The following NPEPPS variants were observed in gnomAD, a reference collection of about 807,000 sequenced individuals.
NPEPPS encodes aminopeptidase puromycin sensitive, also known as puromycin-sensitive aminopeptidase.
NPEPPS carries 14 observed loss-of-function variants against 115.5 expected under a neutral mutation model. The observed-to-expected ratio is 0.12, with a 90% CI of 0.08 to 0.19. The LOEUF (loss-of-function observed/expected upper bound fraction) is 0.19, where lower values mean the gene tolerates loss of function less well. NPEPPS is among the 10% of genes least tolerant of loss of function. The pLI is 1.00. For synonymous variants in NPEPPS, 285 were observed against 390.6 expected (o/e 0.73, Z 3.19); for missense variants, 523 against 1,110.8 (o/e 0.47, Z 7.52).
At position 47,553,417 on chromosome 17, in the gene NPEPPS, G is replaced by C. The variant is rs150289819; in HGVS notation, c.340+7424G>C. 7.2e-3 allele frequency among the ~76,000 whole-genome samples: 1,090 copies of C among 151,120 alleles called. 7 individuals are homozygous for C. Among genetic ancestry groups the C allele is most frequent in the South Asian group, 0.018 (84 of 4,790 alleles). On this transcript the variant is annotated intron_variant, in intron 2 of 22. Transcript: ENST00000322157. ...AATTATGATTCATTCTTTTTCATTTGTGGTTTTCCCTGGTATCTGACATAT... is the reference window on the plus strand; with the variant it reads ...AATTATGATTCATTCTTTTTCATTTCTGGTTTTCCCTGGTATCTGACATAT...
intron 1 of NPEPPS, among the ~76,000 whole-genome samples, chr17:47,536,038 CA>C (rs1420206234): frequency 6.6e-6 from 1 of 151,928 alleles, no homozygotes; most frequent in Non-Finnish European, 1.5e-5. Flanking sequence ...GGGGTTTCAC[CA>C]TATTGGCCAG....
chr17:47,531,702 C>T, intron 1 of NPEPPS, 147 bp downstream of exon 1: 2 of 1,050,962 alleles, frequency 1.9e-6, no homozygotes, highest in Non-Finnish European at 1.2e-6. Context: ...GCGTGCTCTG[C>T]CTTGCTCTGT....
At chr17:47,606,561 G>A (rs1176619038) in intron 17 of NPEPPS, among the ~76,000 whole-genome samples, 1 of 151,782 alleles carries the variant, frequency 6.6e-6, no homozygotes, top group East Asian at 1.9e-4. Context: ...GGGTTCAAGC[G>A]ATTCTCCTGC....
intron 10 of NPEPPS, chr17:47,591,744 A>G: frequency 2.2e-6 from 1 of 447,950 alleles, no homozygotes. Context: ...CAGGACTGGA[A>G]CCCAGGCTCT....
chr17:47,564,423 A>G (rs2143786024), intron 2 of NPEPPS, among the ~76,000 whole-genome samples: 1 of 152,106 alleles, frequency 6.6e-6, no homozygotes, highest in Non-Finnish European at 1.5e-5. Context: ...ATAGGTGTGG[A>G]AACGGAGGCT....
At chr17:47,544,847 G>A (rs1909081159) in intron 1 of NPEPPS, among the ~76,000 whole-genome samples, 1 of 147,456 alleles carries the variant, frequency 6.8e-6, no homozygotes, top group African/African-American at 2.5e-5. Flanking sequence ...TGAGTAGCTG[G>A]GATTACAGGT....
chr17:47,595,309 G>A (rs994000543), intron 12 of NPEPPS, among the ~76,000 whole-genome samples: 17 of 152,048 alleles, frequency 1.1e-4, no homozygotes, highest in African/African-American at 3.1e-4. Context: ...CAGGTGATCC[G>A]CCCGCTTTGG....
At position 47,601,666 on chromosome 17, in the gene NPEPPS, C is replaced by A. The variant is rs1322333615; in HGVS notation, c.1659C>A (p.Asn553Lys). The A allele has an allele frequency of 3.1e-6, 5 of 1,612,116 alleles. No individual in the cohort carries two copies. The highest frequency in any genetic ancestry group is 4.2e-6 in the Non-Finnish European group (5 of 1,179,404). The change falls in exon 15 of 23, where the codon AAC becomes AAA. Residue 553 changes from asparagine (N) to lysine (K), a missense_variant. Coordinates refer to ENST00000322157, the MANE Select transcript of NPEPPS (RefSeq NM_006310.4). Reference sequence around the variant, plus strand: ...CAATCTCTACTAGTGAAGACCCCAACCAGGCCAAACTAAAAATTCTAATGG... The same window carrying A: ...CAATCTCTACTAGTGAAGACCCCAAACAGGCCAAACTAAAAATTCTAATGG... ...PITISTSEDP[N>K]QAKLKILMDK...
intron 15 of NPEPPS, 33 bp downstream of exon 15, chr17:47,601,780 C>A: frequency 6.3e-7 from 1 of 1,598,194 alleles, no homozygotes; most frequent in South Asian, 1.1e-5. Flanking sequence ...ACAGATTTCT[C>A]TCACTTATAC....
Position 47,616,243 on chromosome 17 carries a change from A to G in NPEPPS, c.2296-2107A>G, listed in dbSNP as rs147365498. Among the ~76,000 whole-genome samples the G allele has an allele frequency of 2.6e-3, 391 of 152,184 alleles. 3 individuals carry two copies. Among genetic ancestry groups the G allele is most frequent in the African/African-American group, 8.9e-3 (368 of 41,526 alleles). Reference sequence around the variant, plus strand: ...ACCCAGATCTCCCAAGGTCCTGTCTATTTTACTGCACTGCTGCTTAGAGTC... The same window carrying G: ...ACCCAGATCTCCCAAGGTCCTGTCTGTTTTACTGCACTGCTGCTTAGAGTC... On this transcript the variant is annotated intron_variant, in intron 19 of 22. Coordinates refer to ENST00000322157, the MANE Select transcript of NPEPPS (RefSeq NM_006310.4).
intron 2 of NPEPPS, among the ~76,000 whole-genome samples, chr17:47,558,942 G>A (rs1175628023): frequency 6.6e-6 from 1 of 152,030 alleles, no homozygotes; most frequent in Non-Finnish European, 1.5e-5. Context: ...GCTGAGGCAG[G>A]AGAATTGCTT....
rs760783596 is a variant in NPEPPS at position 47,605,529 on chromosome 17, G to C, written c.2072G>C (p.Gly691Ala). 3 of 1,594,006 alleles carry C rather than the reference G, an allele frequency of 1.9e-6. No individual in the cohort carries two copies. The South Asian group carries it at 3.4e-5, about 18-fold the overall frequency. ...TTTTCACCTATAGGGGAGAGACTGG[G>C]CTGGGACCCCAAACCTGGAGAAGGT... is the stretch of plus-strand genomic sequence containing the variant. ...DVFSPIGERLGWDPKPGEGHL... is the reference protein window; with the variant it reads ...DVFSPIGERLAWDPKPGEGHL... The change falls in exon 17 of 23, where the codon GGC becomes GCC. Residue 691 changes from glycine to alanine, a missense_variant. Transcript: ENST00000322157.
At chr17:47,530,387 T>C (rs1278388374), upstream of NPEPPS, among the ~76,000 whole-genome samples, 638 of 126,472 alleles carry the variant, frequency 5.0e-3, 12 homozygotes, top group African/African-American at 0.017. Flanking sequence ...GACGGAGTCT[T>C]GCTCTGTCGC....
rs1277730269 is a variant in NPEPPS, at chr17:47,622,946, C to A, written c.*1026C>A. ...GTGGTAACTGCTGCAGGGCTTAATA[C>A]ATTAGTGGTAACTGGTTTAAAAAAC... On this transcript the variant is annotated 3_prime_UTR_variant, in exon 23 of 23. Transcript: ENST00000322157. 8.8e-6 allele frequency: 4 copies of A among 455,828 alleles called. No homozygotes were observed. The highest frequency in any genetic ancestry group is 1.8e-5 in the Non-Finnish European group (4 of 226,788). The allele number at this position is 455,828 out of a possible 1,614,324, so 28.2% of individuals were successfully genotyped here.
At chr17:47,595,017 G>A (rs916235427) in intron 12 of NPEPPS, among the ~76,000 whole-genome samples, 1 of 151,772 alleles carries the variant, frequency 6.6e-6, no homozygotes, top group Non-Finnish European at 1.5e-5. Flanking sequence ...TGCAACCTCC[G>A]CCTCCTGGGT....
intron 2 of NPEPPS, 80 bp downstream of exon 2, chr17:47,546,073 T>TGTGTGTGTGTGTGTGTGA (rs148357525): frequency 1.2e-6 from 1 of 833,926 alleles, no homozygotes; most frequent in Admixed American, 3.7e-5. Context: ...TGTGTGTGTG[T>TGTGTGTGTGTGTGTGTGA]GAGAGAGAGA....
In NPEPPS at chr17:47,596,333, T is replaced by G; in HGVS notation, c.1427-20T>G. 1 of 1,374,484 alleles carries G rather than the reference T, an allele frequency of 7.3e-7. No homozygotes were observed. The highest frequency in any genetic ancestry group is 2.5e-5 in the East Asian group (1 of 40,402). 85.1% of individuals were successfully genotyped at this position (1,374,484 alleles called of 1,614,324 possible). On this transcript the variant is annotated intron_variant, in intron 12 of 22. Transcript: ENST00000322157. ...AAATAAAAATATAAACATTTTAGATTATCATTGTTTATCTTCTAGAGGATC... is the reference window on the plus strand; with the variant it reads ...AAATAAAAATATAAACATTTTAGATGATCATTGTTTATCTTCTAGAGGATC...
rs1034840345 is a variant in NPEPPS, at chr17:47,571,574, T to C, written c.418+2080T>C. ...TCTACTAAAAATACAAAAAATTAGCTGGGAATGGTGGCAGGTGCCTGTAGT... is the reference window on the plus strand; with the variant it reads ...TCTACTAAAAATACAAAAAATTAGCCGGGAATGGTGGCAGGTGCCTGTAGT... On this transcript the variant is annotated intron_variant, in intron 3 of 22. Transcript: ENST00000322157. 4.9e-4 allele frequency among the ~76,000 whole-genome samples: 74 copies of C among 151,932 alleles called. 1 individual carries two copies. Among genetic ancestry groups the C allele is most frequent in the African/African-American group, 1.7e-3 (72 of 41,430 alleles).
At chr17:47,604,237 A>T (rs1453748318) in intron 16 of NPEPPS, 188 bp downstream of exon 16, 11 of 452,138 alleles carry the variant, frequency 2.4e-5, no homozygotes, top group Non-Finnish European at 4.1e-5. Context: ...ATCCCATTTC[A>T]CTACTCCTAA....
Sources: allele counts gnomAD v4.1 joint callset (sites outside exome capture counted in the v4.1 genomes callset), GRCh38; gene constraint gnomAD v4.1.1; transcripts MANE v1.5; gene names NCBI Gene and HGNC (gene_info 2026-07-23, HGNC 2026-07-21).